The following ZUP1 variants were observed in gnomAD, a reference collection of about 807,000 sequenced individuals.
ZUP1 encodes the protein zinc finger-containing ubiquitin peptidase 1.
Under a neutral mutation model 68.1 loss-of-function variants are expected in ZUP1, and 55 were observed. The observed-to-expected ratio is 0.81, with a 90% CI of 0.65 to 1.01. ZUP1 has a LOEUF of 1.01. Ranked by LOEUF, ZUP1 falls within the 50% of genes least tolerant of loss-of-function variation. The pLI, the probability that ZUP1 is intolerant of heterozygous loss-of-function variation, is 0.00. For missense variants in ZUP1, 684 were observed against 674.9 expected, an observed-to-expected ratio of 1.01 and a Z score of -0.15; for synonymous variants, 223 against 221.5, an observed-to-expected ratio of 1.01 and a Z score of -0.06.
Position 116,647,466 on chromosome 6 carries a change from C to A in ZUP1, c.1461G>T (p.Gln487His). ...VCTSKPPIYL[Q>H]HQGHSRTVIG... ...AGTTATATTAATACTAACCTTGATG[C>A]TGAAGATAGATAGGAGGTTTAGATG... The change falls in exon 8 of 10, where the codon CAG becomes CAT. Residue 487 changes from glutamine to histidine, a missense_variant. Gln to His is a conservative substitution (Grantham distance 24). Transcript: ENST00000368576. 6.4e-7 allele frequency: 1 copy of A among 1,560,910 alleles called. No homozygotes were observed. The highest frequency in any genetic ancestry group is 8.7e-7 in the Non-Finnish European group (1 of 1,147,734).
In ZUP1 at chr6:116,666,899, AT is replaced by A; in HGVS notation, c.293del (p.Asn98IlefsTer10). 2 of 1,611,688 alleles carry A rather than the reference AT, an allele frequency of 1.2e-6. No homozygotes were observed. Among genetic ancestry groups the A allele is most frequent in the Non-Finnish European group, 1.7e-6 (2 of 1,179,346 alleles). ...NSSILSGCAS[N>X]HPKNSAQNLT... ...GGTTTTGAGCTGAATTTTTTGGATG[AT>A]TAGATGCACAACCTGAAAGAATACT... On this transcript the variant is annotated frameshift_variant, in exon 2 of 10. Coordinates refer to ENST00000368576, the MANE Select transcript of ZUP1 (RefSeq NM_145062.3). LOFTEE classifies it high-confidence loss of function.
chr6:116,645,693 T>C (rs368638660), intron 9 of ZUP1, 21 bp downstream of exon 9: 18 of 1,536,044 alleles, frequency 1.2e-5, no homozygotes, highest in Middle Eastern at 3.4e-4. Context: ...AAACTTCACA[T>C]ATAAATATTT....
At chr6:116,642,081 T>C (rs367987811) in intron 9 of ZUP1, among the ~76,000 whole-genome samples, 1 of 151,742 alleles carries the variant, frequency 6.6e-6, no homozygotes, top group African/African-American at 2.4e-5. Context: ...AACTAGAAAA[T>C]CTAGAAGAAA....
At chr6:116,644,700 G>C (rs1294526950) in intron 9 of ZUP1, among the ~76,000 whole-genome samples, 1 of 151,438 alleles carries the variant, frequency 6.6e-6, no homozygotes, top group Non-Finnish European at 1.5e-5. Flanking sequence ...GGGGTGGGGG[G>C]AGTGGGGAGG....
intron 9 of ZUP1, among the ~76,000 whole-genome samples, chr6:116,638,892 C>T (rs1423670883): frequency 6.6e-6 from 1 of 152,226 alleles, no homozygotes; most frequent in African/African-American, 2.4e-5. Context: ...GGCATTGCCT[C>T]ACTCGGGAAG....
At position 116,666,642 on chromosome 6, in the gene ZUP1, G is replaced by T. The variant is rs1188579688; in HGVS notation, c.551C>A (p.Pro184Gln). 6.4e-7 allele frequency: 1 copy of T among 1,560,002 alleles called. No individual in the cohort carries two copies. The highest frequency in any genetic ancestry group is 8.7e-7 in the Non-Finnish European group (1 of 1,154,694). The change falls in exon 2 of 10, where the codon CCA (proline) becomes CAA (glutamine). Residue 184 changes from proline (P) to glutamine (Q), a missense_variant. By Grantham distance (76) the Pro-to-Gln change is moderately conservative. Transcript: ENST00000368576. ...TGAAATGAAAACTTTACCTTCCAATGGAATGTCTAAAAGATTGGCATGCTT... is the reference window on the plus strand; with the variant it reads ...TGAAATGAAAACTTTACCTTCCAATTGAATGTCTAAAAGATTGGCATGCTT... ...KTKHANLLDI[P>Q]LEDCDQPLYD...
chr6:116,653,276 C>T (rs959504736), intron 5 of ZUP1, among the ~76,000 whole-genome samples: 1 of 152,018 alleles, frequency 6.6e-6, no homozygotes, highest in East Asian at 1.9e-4. Flanking sequence ...GTACCAGCAA[C>T]ATTCAGTCAC....
intron 2 of ZUP1, among the ~76,000 whole-genome samples, chr6:116,664,966 G>A (rs953225871): frequency 5.3e-5 from 8 of 151,698 alleles, no homozygotes; most frequent in African/African-American, 1.9e-4. Flanking sequence ...GAATATATGA[G>A]AATAGCTTTT....
chr6:116,657,694 A>T (rs530831881), intron 4 of ZUP1, among the ~76,000 whole-genome samples: 20 of 152,370 alleles, frequency 1.3e-4, no homozygotes, highest in African/African-American at 4.6e-4. Flanking sequence ...GAAGTCCCAA[A>T]GTATACAAAC....
chr6:116,644,415 A>G (rs903222465), intron 9 of ZUP1, among the ~76,000 whole-genome samples: 174 of 152,342 alleles, frequency 1.1e-3, no homozygotes, highest in African/African-American at 4.1e-3. Context: ...CACTATTCAC[A>G]ATAGCAAAGA....
intron 9 of ZUP1, among the ~76,000 whole-genome samples, chr6:116,641,938 G>A (rs1356912547): frequency 4.6e-5 from 7 of 151,996 alleles, no homozygotes; most frequent in East Asian, 1.9e-4. Context: ...TTGATAGACC[G>A]CTAGCAAGAC....
intron 2 of ZUP1, among the ~76,000 whole-genome samples, chr6:116,665,602 T>C (rs1776977424): frequency 1.3e-5 from 2 of 149,006 alleles, no homozygotes; most frequent in South Asian, 4.3e-4. Flanking sequence ...AGACAGGGTC[T>C]TATTCAGTCA....
intron 9 of ZUP1, among the ~76,000 whole-genome samples, chr6:116,641,667 A>G (rs1166000368): frequency 3.3e-5 from 5 of 152,204 alleles, no homozygotes; most frequent in Non-Finnish European, 7.3e-5. Context: ...ACATAACACA[A>G]TCTCTGGGAC....
In ZUP1 at chr6:116,663,723, T is replaced by C. The variant is rs188801396; in HGVS notation, c.560-2877A>G. Among the ~76,000 whole-genome samples the C allele has an allele frequency of 5.3e-5, 8 of 152,172 alleles. No individual in the cohort carries two copies. In the East Asian group the frequency reaches 1.3e-3, roughly 26 times the overall value. ...TGGGAGGCTGAGGAAGGAAGACTGCTTGAGCACAGGAGTTCAAGACCAGCC... is the reference window on the plus strand; with the variant it reads ...TGGGAGGCTGAGGAAGGAAGACTGCCTGAGCACAGGAGTTCAAGACCAGCC... On this transcript the variant is annotated intron_variant, in intron 2 of 9. Transcript: ENST00000368576.
chr6:116,666,880 G>A lies in ZUP1; in HGVS notation c.313C>T (p.Gln105Ter). ...CASNHPKNSAQNLTKDSTLKH... is the reference protein window; with the variant it reads ...CASNHPKNSA ...AAAGTACTATCTTTAGTCAGGTTTT[G>A]AGCTGAATTTTTTGGATGATTAGAT... is the stretch of plus-strand genomic sequence containing the variant. Residue 105 changes from glutamine to a stop codon, truncating the protein, a stop_gained, in exon 2 of 10, where the codon CAA (glutamine) becomes TAA (stop). Transcript: ENST00000368576. LOFTEE classifies it high-confidence loss of function. 1 of 1,610,940 alleles carries A rather than the reference G, an allele frequency of 6.2e-7. No individual in the cohort carries two copies. Among genetic ancestry groups the A allele is most frequent in the African/African-American group, 1.3e-5 (1 of 74,758 alleles).
intron 4 of ZUP1, 149 bp downstream of exon 4, chr6:116,658,654 C>T (rs1343216775): frequency 1.5e-6 from 1 of 678,882 alleles, no homozygotes; most frequent in East Asian, 3.3e-5. Flanking sequence ...CTGTGCCTCA[C>T]TAGAATGAAT....
Position 116,635,828 on chromosome 6 carries a change from TTCTTCAAGGAA to T in ZUP1, c.1730_*3del. 9 of 1,597,710 alleles carry T rather than the reference TTCTTCAAGGAA, an allele frequency of 5.6e-6. No individual in the cohort carries two copies. Among genetic ancestry groups the T allele is most frequent in the Non-Finnish European group, 6.8e-6 (8 of 1,175,100 alleles). Reference sequence around the variant, plus strand: ...ATCACTGAAATGCTTAAATGCTTGATTCTTCAAGGAATCTTCTCGGCTGTAAAGACTTGAGA... The same window carrying T: ...ATCACTGAAATGCTTAAATGCTTGATTCTTCTCGGCTGTAAAGACTTGAGA... On this transcript the variant is annotated stop_lost and 3_prime_UTR_variant, in exon 10 of 10. Coordinates refer to ENST00000368576, the MANE Select transcript of ZUP1 (RefSeq NM_145062.3).
intron 2 of ZUP1, among the ~76,000 whole-genome samples, chr6:116,665,665 C>T (rs1357898442): frequency 1.3e-5 from 2 of 149,640 alleles, no homozygotes; most frequent in Non-Finnish European, 3.0e-5. Context: ...CTGCAGCGTC[C>T]ACTTCCCAGG....
chr6:116,656,437 C>T (rs928132153), intron 5 of ZUP1, among the ~76,000 whole-genome samples: 7 of 152,118 alleles, frequency 4.6e-5, no homozygotes, highest in Admixed American at 2.0e-4. Flanking sequence ...ATATATGTGG[C>T]TCACATTATA....
Sources: gnomAD v4.1 joint callset for allele counts (sites outside exome capture counted in the v4.1 genomes callset) on GRCh38, gnomAD v4.1.1 for gene constraint, MANE v1.5 for transcripts, NCBI Gene and HGNC (gene_info 2026-07-23, HGNC 2026-07-21) for gene names.